SGCZ: variants seen among roughly 807,000 people sequenced by gnomAD.
The protein encoded by SGCZ is zeta-sarcoglycan.
Under a neutral mutation model 41.3 loss-of-function variants are expected in SGCZ, and 40 were observed. That is an observed-to-expected ratio of 0.97 (90% confidence interval 0.75 to 1.26). The LOEUF is 1.26. SGCZ is among the 50% of genes most tolerant of loss of function. The probability of loss-of-function intolerance (pLI) is 0.00; values close to 1 mark genes in which losing one functional copy is unlikely to be tolerated. For synonymous variants in SGCZ, 206 were observed against 137.5 expected, an observed-to-expected ratio of 1.50 and a Z score of -3.49; for missense variants, 552 against 369.8, an observed-to-expected ratio of 1.49 and a Z score of -4.04.
intron 1 of SGCZ, among the ~76,000 whole-genome samples, chr8:15,220,985 G>A (rs539067160): frequency 1.1e-3 from 161 of 152,158 alleles, no homozygotes; most frequent in African/African-American, 3.8e-3. Flanking sequence ...GACACAGGAT[G>A]GGGAACATCA....
intron 2 of SGCZ, among the ~76,000 whole-genome samples, chr8:14,497,965 T>C (rs947856938): frequency 1.3e-5 from 2 of 152,210 alleles, no homozygotes; most frequent in African/African-American, 4.8e-5. Context: ...TTTTTCCTCA[T>C]ATCCTCATCA....
intron 1 of SGCZ, among the ~76,000 whole-genome samples, chr8:14,607,344 G>A (rs533995214): frequency 1.4e-4 from 22 of 152,048 alleles, no homozygotes; most frequent in Middle Eastern, 6.8e-3. Context: ...ACTGAATTAC[G>A]ATCATCACTG....
At chr8:14,261,963 G>A (rs1180990104) in intron 3 of SGCZ, among the ~76,000 whole-genome samples, 1 of 152,138 alleles carries the variant, frequency 6.6e-6, no homozygotes, top group Non-Finnish European at 1.5e-5. Context: ...CACACGAGTT[G>A]AAAGATAATT....
At chr8:14,381,044 G>C (rs777158617) in intron 2 of SGCZ, among the ~76,000 whole-genome samples, 5 of 151,968 alleles carry the variant, frequency 3.3e-5, no homozygotes, top group Non-Finnish European at 7.4e-5. Context: ...GTCAATTTCT[G>C]ACTCACATTA....
intron 1 of SGCZ, among the ~76,000 whole-genome samples, chr8:15,171,680 C>A (rs1422890368): frequency 6.6e-6 from 1 of 152,202 alleles, no homozygotes. Context: ...ATCTTATTAG[C>A]ATGTGAGCCC....
intron 2 of SGCZ, among the ~76,000 whole-genome samples, chr8:14,510,902 C>A (rs1195954880): frequency 6.6e-6 from 1 of 152,182 alleles, no homozygotes; most frequent in East Asian, 1.9e-4. Context: ...ATATAGGCAT[C>A]AATGAAGATA....
At chr8:14,468,659 T>A (rs1412758287) in intron 2 of SGCZ, among the ~76,000 whole-genome samples, 1 of 152,088 alleles carries the variant, frequency 6.6e-6, no homozygotes, top group South Asian at 2.1e-4. Context: ...ATGCCACAGA[T>A]AAACCGTAGA....
intron 1 of SGCZ, among the ~76,000 whole-genome samples, chr8:14,687,625 T>C (rs1254217389): frequency 6.6e-6 from 1 of 151,944 alleles, no homozygotes; most frequent in African/African-American, 2.4e-5. Context: ...TCCAAGTCTT[T>C]GCTATTGTGA....
chr8:14,098,922 G>A (rs978342247), intron 7 of SGCZ, among the ~76,000 whole-genome samples: 2 of 152,012 alleles, frequency 1.3e-5, no homozygotes, highest in Non-Finnish European at 2.9e-5. Context: ...GTGTTCTCTG[G>A]TTCTCCCATC....
intron 6 of SGCZ, among the ~76,000 whole-genome samples, chr8:14,103,075 C>CTAATTCTG (rs1554457024): frequency 6.6e-6 from 1 of 152,132 alleles, no homozygotes; most frequent in Non-Finnish European, 1.5e-5. Context: ...TCTACATCAA[C>CTAATTCTG]TAATTCTGTT....
intron 2 of SGCZ, among the ~76,000 whole-genome samples, chr8:14,446,793 G>A (rs1399898558): frequency 6.6e-6 from 1 of 152,030 alleles, no homozygotes; most frequent in African/African-American, 2.4e-5. Context: ...CTAAACAAAT[G>A]GATAGTAAAA....
chr8:14,116,894 G>C lies in SGCZ; in HGVS notation c.548-8659C>G, dbSNP rs1452502965. 3.3e-5 allele frequency among the ~76,000 whole-genome samples: 5 copies of C among 152,048 alleles called. No individual in the cohort carries two copies. The East Asian group carries it at 9.6e-4, about 29-fold the overall frequency. On this transcript the variant is annotated intron_variant, in intron 5 of 7. Transcript: ENST00000382080. ...GAACACTCATCACATGCTCAGCGTT[G>C]ATTACTGTGAACACTGTATATTTTT...
chr8:14,366,844 CT>C (rs996356736), intron 2 of SGCZ, among the ~76,000 whole-genome samples: 2 of 152,048 alleles, frequency 1.3e-5, no homozygotes, highest in Non-Finnish European at 2.9e-5. Flanking sequence ...GGCACAAAAC[CT>C]TTTTTCCCTC....
intron 1 of SGCZ, among the ~76,000 whole-genome samples, chr8:14,939,149 G>A (rs1800182090): frequency 6.6e-6 from 1 of 152,044 alleles, no homozygotes; most frequent in African/African-American, 2.4e-5. Flanking sequence ...TTTCAATCTT[G>A]GATGTGCTTA....
intron 1 of SGCZ, among the ~76,000 whole-genome samples, chr8:15,228,538 A>G (rs531067554): frequency 1.3e-5 from 2 of 152,310 alleles, no homozygotes; most frequent in East Asian, 3.9e-4. Context: ...TTTAAACACA[A>G]TGTTGATTAA....
intron 1 of SGCZ, among the ~76,000 whole-genome samples, chr8:15,013,238 A>G (rs1202088385): frequency 1.3e-5 from 2 of 152,102 alleles, no homozygotes; most frequent in African/African-American, 2.4e-5. Context: ...GCCTCAATAC[A>G]TTTCTCTCTG....
rs564124583 is a variant in SGCZ, at chr8:14,776,619, G to A, written c.40-221693C>T. On this transcript the variant is annotated intron_variant, in intron 1 of 7. Coordinates refer to ENST00000382080, the MANE Select transcript of SGCZ (RefSeq NM_139167.4). ...GGCCATTCTCCTGTCTCAGCCTCCC[G>A]AGTAGCTGGGACTACAGGCGCCTAC... Among the ~76,000 whole-genome samples, 53 of 140,644 alleles carry A rather than the reference G, an allele frequency of 3.8e-4. No individual in the cohort carries two copies. In the South Asian group the frequency reaches 4.3e-3, roughly 11 times the overall value. The allele number at this position is 140,644 out of a possible 152,430, so 92.3% of individuals were successfully genotyped here. A position where few individuals can be genotyped will look rare whatever the true frequency, so the allele number is the denominator to read the frequency against.
At chr8:14,471,343 T>G (rs980621539) in intron 2 of SGCZ, among the ~76,000 whole-genome samples, 4 of 152,160 alleles carry the variant, frequency 2.6e-5, no homozygotes, top group Admixed American at 2.6e-4. Flanking sequence ...TAAATCATAC[T>G]TATAGAAATA....
chr8:14,236,420 C>T (rs1382142), intron 4 of SGCZ, among the ~76,000 whole-genome samples: 67,679 of 151,734 alleles, frequency 0.45, 16,513 homozygotes, highest in African/African-American at 0.65. Context: ...GCTAAAATGT[C>T]TCCTTTTTGG....
Sources: gnomAD v4.1 joint callset for allele counts (sites outside exome capture counted in the v4.1 genomes callset) on GRCh38, gnomAD v4.1.1 for gene constraint, MANE v1.5 for transcripts, NCBI Gene and HGNC (gene_info 2026-07-23, HGNC 2026-07-21) for gene names.